PTF1A: variants seen among roughly 807,000 people sequenced by gnomAD.
The protein encoded by PTF1A is pancreas transcription factor 1 subunit alpha.
Under a neutral mutation model 22.6 loss-of-function variants are expected in PTF1A, and 18 were observed. The observed-to-expected ratio is 0.80, with a 90% CI of 0.55 to 1.18. The LOEUF (loss-of-function observed/expected upper bound fraction) is 1.18. PTF1A is among the 50% of genes most tolerant of loss of function. PTF1A has a pLI of 0.00. For missense variants in PTF1A, 477 were observed against 473.0 expected, an observed-to-expected ratio of 1.01 and a Z score of -0.08; for synonymous variants, 259 against 227.9, an observed-to-expected ratio of 1.14 and a Z score of -1.23.
At position 23,192,695 on chromosome 10, in the gene PTF1A, C is replaced by G. The variant is rs199556852; in HGVS notation, c.165C>G (p.His55Gln). The G allele has an allele frequency of 3.1e-6, 5 of 1,587,596 alleles. No homozygotes were observed. In the African/African-American group the frequency reaches 6.9e-5, roughly 22 times the overall value. Reference protein sequence around the residue: ...DEQAEVEFLSHQLHEYCYRDG... With the variant: ...DEQAEVEFLSQQLHEYCYRDG... The stretch of plus-strand genomic sequence containing the variant: ...AGGCCGAGGTGGAGTTCCTTAGCCA[C>G]CAGCTCCACGAGTACTGCTACCGCG... Residue 55 changes from histidine (H) to glutamine (Q), a missense_variant, in exon 1 of 2, where the codon CAC becomes CAG. Coordinates refer to ENST00000376504, the MANE Select transcript of PTF1A (RefSeq NM_178161.3).
In PTF1A at chr10:23,193,759, T is replaced by C; in HGVS notation, c.840T>C (p.Ser280=). 6.2e-7 allele frequency: 1 copy of C among 1,613,834 alleles called. No individual in the cohort carries two copies. The highest frequency in any genetic ancestry group is 1.3e-5 in the African/African-American group (1 of 75,004). Reference sequence around the variant, plus strand: ...GCCTCCCTCCCCTAGCAGGACACTCTCTCTCATGGACTGATGAAAAACAAC... The same window carrying C: ...GCCTCCCTCCCCTAGCAGGACACTCCCTCTCATGGACTGATGAAAAACAAC... The part of the protein sequence containing the change: ...DYGLPPLAGH[S]LSWTDEKQLK... Residue 280 remains serine, a synonymous_variant, in exon 2 of 2, where the codon TCT becomes TCC. Transcript: ENST00000376504.
intron 1 of PTF1A, 170 bp downstream of exon 1, chr10:23,193,484 T>A: frequency 1.3e-6 from 1 of 780,518 alleles, no homozygotes. Context: ...TTTTTTTATT[T>A]TTCTGCCACG....
In PTF1A at chr10:23,193,809, C is replaced by G. The variant is rs374698627; in HGVS notation, c.890C>G (p.Thr297Arg). 1.1e-5 allele frequency: 18 copies of G among 1,613,866 alleles called. No homozygotes were observed. In the South Asian group the frequency reaches 1.2e-4, roughly 11 times the overall value. The change falls in exon 2 of 2, where the codon ACA becomes AGA. Residue 297 changes from threonine to arginine, a missense_variant. Transcript: ENST00000376504. Reference protein sequence around the residue: ...KQLKEQNIIRTAKVWTPEDPR... With the variant: ...KQLKEQNIIRRAKVWTPEDPR... ...CTCAAGGAACAAAATATTATCCGAACAGCCAAAGTCTGGACCCCAGAGGAC... is the reference window on the plus strand; with the variant it reads ...CTCAAGGAACAAAATATTATCCGAAGAGCCAAAGTCTGGACCCCAGAGGAC...
In PTF1A at chr10:23,192,754, C is replaced by G; in HGVS notation, c.224C>G (p.Pro75Arg). 1.4e-6 allele frequency: 2 copies of G among 1,429,370 alleles called. No homozygotes were observed. The highest frequency in any genetic ancestry group is 1.8e-6 in the Non-Finnish European group (2 of 1,090,884). 88.5% of individuals were successfully genotyped at this position (1,429,370 alleles called of 1,614,324 possible). A position where few individuals can be genotyped will look rare whatever the true frequency, so the allele number is the denominator to read the frequency against. ...TGCCTGCTGCTGCAGCCCGCGCCCC[C>G]GGCCGCCCCGCTAGCGCTCGCCCCG... is the stretch of plus-strand genomic sequence containing the variant. ...GACLLLQPAP[P>R]AAPLALAPPS... The change falls in exon 1 of 2, where the codon CCG (proline) becomes CGG (arginine). Residue 75 changes from proline (P) to arginine (R), a missense_variant. Pro to Arg is a moderately radical substitution (Grantham distance 103, BLOSUM62 -2). Coordinates refer to ENST00000376504, the MANE Select transcript of PTF1A (RefSeq NM_178161.3).
chr10:23,193,393 C>CCAAG, intron 1 of PTF1A, 79 bp downstream of exon 1: 1 of 1,345,704 alleles, frequency 7.4e-7, no homozygotes, highest in East Asian at 2.5e-5. Context: ...GAGCTGACTG[C>CCAAG]CAAGCAGACA....
Position 23,193,211 on chromosome 10 carries a change from C to T in PTF1A, c.681C>T (p.Gly227=), listed in dbSNP as rs1447272209. The change falls in exon 1 of 2, where the codon GGC becomes GGT. Residue 227 remains glycine, a synonymous_variant. Coordinates refer to ENST00000376504, the MANE Select transcript of PTF1A (RefSeq NM_178161.3). ...ELVQADLPLR[G]GGAGGCGGPG... Reference sequence around the variant, plus strand: ...TGCAGGCCGACCTGCCCTTGCGCGGCGGTGGCGCGGGCGGCTGCGGGGGGC... The same window carrying T: ...TGCAGGCCGACCTGCCCTTGCGCGGTGGTGGCGCGGGCGGCTGCGGGGGGC... 2.3e-6 allele frequency: 3 copies of T among 1,320,320 alleles called. No individual in the cohort carries two copies. Among genetic ancestry groups the T allele is most frequent in the Non-Finnish European group, 9.7e-7 (1 of 1,027,742 alleles). The allele number at this position is 1,320,320 out of a possible 1,614,324, so 81.8% of individuals were successfully genotyped here.
At position 23,192,528 on chromosome 10, in the gene PTF1A, A is replaced by G. The variant is rs1316249153; in HGVS notation, c.-3A>G. ...AGTCCCGCTGCCCACTGCGGCGGCG[A>G]GCATGGACGCGGTGTTGCTGGAGCA... On this transcript the variant is annotated 5_prime_UTR_variant, in exon 1 of 2. Transcript: ENST00000376504. 2.5e-6 allele frequency: 4 copies of G among 1,588,334 alleles called. No individual in the cohort carries two copies. Among genetic ancestry groups the G allele is most frequent in the Non-Finnish European group, 3.4e-6 (4 of 1,169,290 alleles).
In PTF1A at chr10:23,193,920, C is replaced by T. The variant is rs1840932168; in HGVS notation, c.*14C>T. Reference sequence around the variant, plus strand: ...TTTGTGTCCTGAGAAGTCCCAGACTCGGCTGAAGATCTGATTATGTCTCTG... The same window carrying T: ...TTTGTGTCCTGAGAAGTCCCAGACTTGGCTGAAGATCTGATTATGTCTCTG... On this transcript the variant is annotated 3_prime_UTR_variant, in exon 2 of 2. Transcript: ENST00000376504. 1 of 1,580,344 alleles carries T rather than the reference C, an allele frequency of 6.3e-7. No homozygotes were observed. The highest frequency in any genetic ancestry group is 1.1e-5 in the South Asian group (1 of 90,322).
chr10:23,192,918 G>GCAGTACTGTCTCCCGGGGCGC lies in PTF1A; in HGVS notation c.389_409dup (p.Ala136_Arg137insProValLeuSerProGlyAla). The GCAGTACTGTCTCCCGGGGCGC allele has an allele frequency of 1.6e-6, 2 of 1,236,112 alleles. No homozygotes were observed. The highest frequency in any genetic ancestry group is 2.0e-6 in the Non-Finnish European group (2 of 987,620). The allele number at this position is 1,236,112 out of a possible 1,614,324, so 76.6% of individuals were successfully genotyped here. ...CCTGGCCTACCCGTGCGCCGGGGCGGCAGTACTGTCTCCCGGGGCGCGGCT... is the reference window on the plus strand; with the variant it reads ...CCTGGCCTACCCGTGCGCCGGGGCGGCAGTACTGTCTCCCGGGGCGCCAGTACTGTCTCCCGGGGCGCGGCT... On this transcript the variant is annotated inframe_insertion, in exon 1 of 2. Transcript: ENST00000376504.
chr10:23,193,452 T>A, intron 1 of PTF1A, 138 bp downstream of exon 1: 5 of 708,812 alleles, frequency 7.1e-6, no homozygotes, highest in Non-Finnish European at 1.1e-5. Flanking sequence ...GAATGCGAGC[T>A]CGCGTTTCTC....
chr10:23,194,119 T>C lies in PTF1A; in HGVS notation c.*213T>C. ...AACTTATCCTGATTTTCTGAAAATATGCAATAGCCTATGATTTTCCTGAAC... is the reference window on the plus strand; with the variant it reads ...AACTTATCCTGATTTTCTGAAAATACGCAATAGCCTATGATTTTCCTGAAC... On this transcript the variant is annotated 3_prime_UTR_variant, in exon 2 of 2. Transcript: ENST00000376504. 3.9e-6 allele frequency: 2 copies of C among 514,080 alleles called. No individual in the cohort carries two copies. The highest frequency in any genetic ancestry group is 5.3e-5 in the South Asian group (2 of 37,512). The allele number at this position is 514,080 out of a possible 1,614,324, so 31.8% of individuals were successfully genotyped here.
rs1439002286 is a variant in PTF1A, at chr10:23,193,539, C to T, written c.785-165C>T. ...GCGCGCGTCCCCGCCAGACTTGCAG[C>T]TCCTCGGATTCCTGGGAGGGGACGG... On this transcript the variant is annotated intron_variant, in intron 1 of 1. Transcript: ENST00000376504. 4 of 750,978 alleles carry T rather than the reference C, an allele frequency of 5.3e-6. No individual in the cohort carries two copies. The African/African-American group carries it at 6.9e-5, about 13-fold the overall frequency. The allele number at this position is 750,978 out of a possible 1,614,324, so 46.5% of individuals were successfully genotyped here.
At position 23,194,176 on chromosome 10, in the gene PTF1A, A is replaced by C. The variant is rs565048939; in HGVS notation, c.*270A>C. On this transcript the variant is annotated 3_prime_UTR_variant, in exon 2 of 2. Coordinates refer to ENST00000376504, the MANE Select transcript of PTF1A (RefSeq NM_178161.3). ...TTGTTGGGAGAACTCTGGCCAGAAA[A>C]CGTCCTGCTTATTTATTGCCAGATA... 6 of 386,370 alleles carry C rather than the reference A, an allele frequency of 1.6e-5. No homozygotes were observed. The highest frequency in any genetic ancestry group is 1.2e-4 in the African/African-American group (6 of 48,470). The allele number at this position is 386,370 out of a possible 1,614,324, so 23.9% of individuals were successfully genotyped here. A position where few individuals can be genotyped will look rare whatever the true frequency, so the allele number is the denominator to read the frequency against.
In PTF1A at chr10:23,192,429, C is replaced by T. The variant is rs1323446053; in HGVS notation, c.-102C>T. ...AGCCCGGCGGCCGCCTAGCTGCCCCCAGCCAGGGCCCCGGGAGGGAGGGGC... is the reference window on the plus strand; with the variant it reads ...AGCCCGGCGGCCGCCTAGCTGCCCCTAGCCAGGGCCCCGGGAGGGAGGGGC... On this transcript the variant is annotated 5_prime_UTR_variant, in exon 1 of 2. Transcript: ENST00000376504. 7.3e-6 allele frequency: 11 copies of T among 1,515,642 alleles called. No individual in the cohort carries two copies. The highest frequency in any genetic ancestry group is 9.7e-6 in the Non-Finnish European group (11 of 1,135,862). The allele number at this position is 1,515,642 out of a possible 1,614,324, so 93.9% of individuals were successfully genotyped here.
At position 23,192,373 on chromosome 10, in the gene PTF1A, G is replaced by A. The variant is rs2131679129; in HGVS notation, c.-158G>A. ...GAGCGCGGGCCAGAGCGCAGCGGCC[G>A]CGGGCACTCCAGGGAGGCCCGGGGG... On this transcript the variant is annotated 5_prime_UTR_variant, in exon 1 of 2. Coordinates refer to ENST00000376504, the MANE Select transcript of PTF1A (RefSeq NM_178161.3). 1.1e-6 allele frequency: 1 copy of A among 888,034 alleles called. No homozygotes were observed. The highest frequency in any genetic ancestry group is 4.1e-5 in the Admixed American group (1 of 24,330). 55.0% of individuals were successfully genotyped at this position (888,034 alleles called of 1,614,324 possible).
Position 23,193,733 on chromosome 10 carries a change from G to A in PTF1A, c.814G>A (p.Gly272Ser), listed in dbSNP as rs748599490. Residue 272 changes from glycine to serine, a missense_variant, in exon 2 of 2, where the codon GGC (glycine) becomes AGC (serine). Transcript: ENST00000376504. ...RSPSPSDPDY[G>S]LPPLAGHSLS... The stretch of plus-strand genomic sequence containing the variant: ...CCCCTCCCCCAGCGACCCTGATTAT[G>A]GCCTCCCTCCCCTAGCAGGACACTC... 2 of 1,612,994 alleles carry A rather than the reference G, an allele frequency of 1.2e-6. No homozygotes were observed. Among genetic ancestry groups the A allele is most frequent in the Admixed American group, 1.7e-5 (1 of 60,006 alleles).
rs1419717636 is a variant in PTF1A, at chr10:23,192,360, G to C, written c.-171G>C. On this transcript the variant is annotated 5_prime_UTR_variant, in exon 1 of 2. Coordinates refer to ENST00000376504, the MANE Select transcript of PTF1A (RefSeq NM_178161.3). Reference sequence around the variant, plus strand: ...CCCAGCGCAGCGCGAGCGCGGGCCAGAGCGCAGCGGCCGCGGGCACTCCAG... The same window carrying C: ...CCCAGCGCAGCGCGAGCGCGGGCCACAGCGCAGCGGCCGCGGGCACTCCAG... 3 of 739,586 alleles carry C rather than the reference G, an allele frequency of 4.1e-6. No individual in the cohort carries two copies. Among genetic ancestry groups the C allele is most frequent in the Non-Finnish European group, 5.9e-6 (3 of 505,406 alleles). The allele number at this position is 739,586 out of a possible 1,614,324, so 45.8% of individuals were successfully genotyped here. A position where few individuals can be genotyped will look rare whatever the true frequency, so the allele number is the denominator to read the frequency against.
At position 23,193,261 on chromosome 10, in the gene PTF1A, GGGACAGCCC is replaced by G; in HGVS notation, c.734_742del (p.Asp245_Pro247del). Reference sequence around the variant, plus strand: ...CCGGGCGGCGGCGGGCGCCTGGGCGGGGACAGCCCGGGCAGCCAGGCCCAGAAGGTCATC... The same window carrying G: ...CCGGGCGGCGGCGGGCGCCTGGGCGGGGGCAGCCAGGCCCAGAAGGTCATC... On this transcript the variant is annotated inframe_deletion, in exon 1 of 2. Coordinates refer to ENST00000376504, the MANE Select transcript of PTF1A (RefSeq NM_178161.3). 8.0e-7 allele frequency: 1 copy of G among 1,245,476 alleles called. No individual in the cohort carries two copies. The highest frequency in any genetic ancestry group is 1.0e-6 in the Non-Finnish European group (1 of 1,002,900). The allele number at this position is 1,245,476 out of a possible 1,614,324, so 77.2% of individuals were successfully genotyped here.
intron 1 of PTF1A, 174 bp downstream of exon 1, chr10:23,193,488 TGC>T: frequency 4.0e-6 from 3 of 746,562 alleles, no homozygotes; most frequent in African/African-American, 1.8e-5. Flanking sequence ...TTTATTTTTC[TGC>T]CACGTTGACC....
Sources: allele counts gnomAD v4.1 joint callset, GRCh38; gene constraint gnomAD v4.1.1; transcripts MANE v1.5; gene names NCBI Gene and HGNC (gene_info 2026-07-23, HGNC 2026-07-21).